Variants in ADGRB1 observed in about 807,000 individuals in gnomAD.
ADGRB1 encodes brain-specific angiogenesis inhibitor 1.
A neutral mutation model predicts 175.7 loss-of-function variants in ADGRB1; 36 were observed. The ratio of observed to expected loss-of-function variants is 0.20; its 90% CI spans 0.16 to 0.27. The LOEUF (loss-of-function observed/expected upper bound fraction) is 0.27. ADGRB1 is among the 10% of genes least tolerant of loss of function. The probability of loss-of-function intolerance (pLI) is 1.00; values close to 1 mark genes in which losing one functional copy is unlikely to be tolerated. For synonymous variants in ADGRB1, 1,054 were observed against 979.4 expected (o/e 1.08, Z -1.42); for missense variants, 1,731 against 2,255.3 (o/e 0.77, Z 4.71).
chr8:142,521,370 C>G (rs1843837680), intron 20 of ADGRB1, among the ~76,000 whole-genome samples: 1 of 152,190 alleles, frequency 6.6e-6, no homozygotes, highest in Non-Finnish European at 1.5e-5. Flanking sequence ...CTGCCCTCCC[C>G]AGACCCCCTA....
intron 23 of ADGRB1, 68 bp from the exon 24 acceptor site, chr8:142,526,474 G>A (rs908103611): frequency 1.5e-5 from 21 of 1,395,694 alleles, no homozygotes; most frequent in East Asian, 9.9e-5. Context: ...GCATCGGTCC[G>A]GCCAGTGTCA....
chr8:142,490,947 C>G, intron 17 of ADGRB1, 132 bp downstream of exon 17: 2 of 1,199,264 alleles, frequency 1.7e-6, no homozygotes, highest in Non-Finnish European at 1.2e-6. Context: ...CCGCATGGGC[C>G]TCCGTGTCAC....
At chr8:142,465,383 T>C (rs1331784974) in intron 2 of ADGRB1, among the ~76,000 whole-genome samples, 1 of 152,110 alleles carries the variant, frequency 6.6e-6, no homozygotes, top group Non-Finnish European at 1.5e-5. Context: ...ACAACTTTAA[T>C]GGGCCAGAGG....
intron 24 of ADGRB1, 50 bp downstream of exon 24, chr8:142,526,677 G>T: frequency 6.5e-7 from 1 of 1,542,262 alleles, no homozygotes. Context: ...GCAAGACCCA[G>T]AGCCCACCCA....
At chr8:142,491,985 G>A (rs548819917) in intron 17 of ADGRB1, among the ~76,000 whole-genome samples, 1 of 152,252 alleles carries the variant, frequency 6.6e-6, no homozygotes, top group South Asian at 2.1e-4. Flanking sequence ...GGAGCAGGCA[G>A]AGGCAGGCAG....
Position 142,504,271 on chromosome 8 carries a change from G to A in ADGRB1, c.2676-6661G>A, listed in dbSNP as rs1842755479. On this transcript the variant is annotated intron_variant, in intron 17 of 30. Coordinates refer to ENST00000517894, the MANE Select transcript of ADGRB1 (RefSeq NM_001702.3). The surrounding 1 kb of genome is among the most constrained non-coding windows in gnomAD (Gnocchi z 5.6). ...AGGAGGCTTCTTAGGGGAGGCAGTGGCTCCAGGAGCCCTGGAGGGGGAGGC... is the reference window on the plus strand; with the variant it reads ...AGGAGGCTTCTTAGGGGAGGCAGTGACTCCAGGAGCCCTGGAGGGGGAGGC... Among the ~76,000 whole-genome samples, 1 of 151,954 alleles carries A rather than the reference G, an allele frequency of 6.6e-6. No individual in the cohort carries two copies. The highest frequency in any genetic ancestry group is 6.5e-5 in the Admixed American group (1 of 15,274).
chr8:142,453,756 C>T (rs1251713618), intron 1 of ADGRB1, among the ~76,000 whole-genome samples: 2 of 152,188 alleles, frequency 1.3e-5, no homozygotes, highest in Non-Finnish European at 2.9e-5. Flanking sequence ...AGGAAAAAGC[C>T]CCTGACCAGC....
At chr8:142,539,897 G>C (rs1446967916) in intron 27 of ADGRB1, 2 of 158,604 alleles carry the variant, frequency 1.3e-5, no homozygotes, top group African/African-American at 4.8e-5. Context: ...AGGCTAGGGG[G>C]ACAACGGGGA....
intron 24 of ADGRB1, among the ~76,000 whole-genome samples, chr8:142,531,789 G>C (rs1185920993): frequency 6.6e-6 from 1 of 152,188 alleles, no homozygotes; most frequent in African/African-American, 2.4e-5. Flanking sequence ...AGCAGACCAA[G>C]GCCTGGGGTA....
At chr8:142,503,066 G>T (rs577378605) in intron 17 of ADGRB1, among the ~76,000 whole-genome samples, 3 of 151,982 alleles carry the variant, frequency 2.0e-5, no homozygotes, top group Admixed American at 2.0e-4. Flanking sequence ...ATTGGCCTCA[G>T]TGGTAGCTAT....
At chr8:142,527,670 G>A (rs1311853367) in intron 24 of ADGRB1, among the ~76,000 whole-genome samples, 2 of 152,118 alleles carry the variant, frequency 1.3e-5, no homozygotes, top group Non-Finnish European at 2.9e-5. Flanking sequence ...GTCCCACACT[G>A]CTCCCAAGAC....
intron 17 of ADGRB1, among the ~76,000 whole-genome samples, chr8:142,508,944 C>T (rs886770272): frequency 5.9e-5 from 9 of 152,218 alleles, no homozygotes; most frequent in Non-Finnish European, 1.2e-4. Flanking sequence ...GGCCGGCTCC[C>T]GGGCCTCCTC....
At chr8:142,465,026 GACAGGGGAGGCGGGCA>G in intron 2 of ADGRB1, 44 bp downstream of exon 2, 1 of 749,350 alleles carries the variant, frequency 1.3e-6, no homozygotes, top group African/African-American at 3.1e-5. Context: ...GAGGTGGGCA[GACAGGGGAGGCGGGCA>G]GACAGGGGAG....
Position 142,544,494 on chromosome 8 carries a change from G to A in ADGRB1, c.*77G>A. ...CCCGCTCCTGCCGCAGACGGGCACA[G>A]ACACGCTCGCGGGCAGCGGGCCAGG... On this transcript the variant is annotated 3_prime_UTR_variant, in exon 31 of 31. Transcript: ENST00000517894. The A allele has an allele frequency of 7.1e-7, 1 of 1,399,032 alleles. No individual in the cohort carries two copies. Among genetic ancestry groups the A allele is most frequent in the Non-Finnish European group, 9.3e-7 (1 of 1,079,348 alleles). 86.7% of individuals were successfully genotyped at this position (1,399,032 alleles called of 1,614,324 possible).
intron 9 of ADGRB1, among the ~76,000 whole-genome samples, chr8:142,480,598 A>C (rs1167642578): frequency 6.6e-6 from 1 of 152,204 alleles, no homozygotes; most frequent in Non-Finnish European, 1.5e-5. Context: ...TTTGGTCTGC[A>C]TGCGTGGCAG....
intron 13 of ADGRB1, among the ~76,000 whole-genome samples, chr8:142,487,408 T>C (rs6583639): frequency 0.85 from 128,755 of 152,158 alleles, 54,917 homozygotes; most frequent in African/African-American, 0.96. Flanking sequence ...CACTGGGTGC[T>C]GACCCAGTCC....
intron 2 of ADGRB1, 73 bp downstream of exon 2, chr8:142,465,055 G>A: frequency 7.7e-7 from 1 of 1,293,176 alleles, no homozygotes; most frequent in Non-Finnish European, 1.0e-6. Context: ...CAGGGGAGGC[G>A]GGCGGATGGG....
In ADGRB1 at chr8:142,510,512, G is replaced by T. The variant is rs111658636; in HGVS notation, c.2676-420G>T. Among the ~76,000 whole-genome samples, 387 of 149,798 alleles carry T rather than the reference G, an allele frequency of 2.6e-3. 1 individual carries two copies. The highest frequency in any genetic ancestry group is 8.9e-3 in the African/African-American group (364 of 40,988). On this transcript the variant is annotated intron_variant, in intron 17 of 30. Transcript: ENST00000517894. This position sits in a 1 kb window ranked among gnomAD's most constrained non-coding sequence, Gnocchi z 6.3. The stretch of plus-strand genomic sequence containing the variant: ...GCCACACCCGGCTCGCACCCTCCCC[G>T]CTCCACGTGCGCCCACGCGCCCCTC...
At chr8:142,487,986 G>A (rs1242762313) in intron 13 of ADGRB1, among the ~76,000 whole-genome samples, 6 of 152,194 alleles carry the variant, frequency 3.9e-5, no homozygotes, top group Admixed American at 6.5e-5. Context: ...AGTGGGGGGC[G>A]CTGAGGAGGT....
Sources: allele counts gnomAD v4.1 joint callset (sites outside exome capture counted in the v4.1 genomes callset), GRCh38; gene constraint gnomAD v4.1.1; non-coding constraint Gnocchi (gnomAD v3.1); transcripts MANE v1.5; gene names NCBI Gene and HGNC (gene_info 2026-07-23, HGNC 2026-07-21).